SYT14: variants seen among roughly 807,000 people sequenced by gnomAD.
SYT14 encodes synaptotagmin-14.
In SYT14, 32 loss-of-function variants were observed where a neutral mutation model predicts 74.2. The ratio of observed to expected loss-of-function variants is 0.43; its 90% CI spans 0.33 to 0.58. The LOEUF is 0.58. Ranked by LOEUF, SYT14 falls within the 20% of genes least tolerant of loss-of-function variation. SYT14 has a pLI of 0.05. For missense variants in SYT14, 791 were observed against 981.8 expected, an observed-to-expected ratio of 0.81 and a Z score of 2.60; for synonymous variants, 298 against 337.7, an observed-to-expected ratio of 0.88 and a Z score of 1.29.
intron 5 of SYT14, among the ~76,000 whole-genome samples, chr1:210,030,778 G>C (rs930432716): frequency 1.3e-5 from 2 of 152,170 alleles, no homozygotes; most frequent in Non-Finnish European, 2.9e-5. Context: ...TCTGTGTGTG[G>C]CTGTTGCACA....
intron 8 of SYT14, among the ~76,000 whole-genome samples, chr1:210,158,157 G>A (rs1428946801): frequency 6.6e-6 from 1 of 152,198 alleles, no homozygotes; most frequent in Non-Finnish European, 1.5e-5. Flanking sequence ...AATTGAGTGG[G>A]AGAAAAGAAG....
chr1:210,128,658 TTC>T (rs1205999060), intron 7 of SYT14, among the ~76,000 whole-genome samples: 1 of 152,200 alleles, frequency 6.6e-6, no homozygotes, highest in Non-Finnish European at 1.5e-5. Flanking sequence ...CCTACAGAAT[TTC>T]TGAGTAAGCT....
chr1:210,105,453 G>A (rs2102561355), intron 7 of SYT14, among the ~76,000 whole-genome samples: 1 of 152,274 alleles, frequency 6.6e-6, no homozygotes. Context: ...GAGCTTTGAA[G>A]GAAGCCTCTG....
rs72649951 is a variant in SYT14 at position 210,111,911 on chromosome 1, A to G, written c.2034+11450A>G. 0.016 allele frequency among the ~76,000 whole-genome samples: 2,482 copies of G among 151,052 alleles called. 206 individuals are homozygous for G. In the East Asian group the frequency reaches 0.25, roughly 15 times the overall value. ...TTTTTAAGTTGGAGGCTGTGAGGTG[A>G]GGTGTGTTTTTAAAAGACCATTAGT... On this transcript the variant is annotated intron_variant, in intron 7 of 9. Coordinates refer to ENST00000637265, the Ensembl canonical transcript of SYT14.
chr1:210,002,790 C>A (rs939985440), intron 2 of SYT14, among the ~76,000 whole-genome samples: 1 of 151,902 alleles, frequency 6.6e-6, no homozygotes, highest in Admixed American at 6.6e-5. Context: ...ACTGTGCTGT[C>A]TTTAAAAAAA....
At chr1:210,071,102 A>G (rs1476821702) in intron 5 of SYT14, among the ~76,000 whole-genome samples, 4 of 151,654 alleles carry the variant, frequency 2.6e-5, no homozygotes, top group Non-Finnish European at 5.9e-5. Context: ...CTACTTAGAA[A>G]CATTTCATAA....
intron 6 of SYT14, among the ~76,000 whole-genome samples, chr1:210,095,361 C>T (rs1364054544): frequency 6.6e-6 from 1 of 152,156 alleles, no homozygotes; most frequent in Non-Finnish European, 1.5e-5. Context: ...CTGCAGCTTC[C>T]TCCCACCTCA....
chr1:209,944,359 AAG>A (rs1314895610), intron 1 of SYT14, among the ~76,000 whole-genome samples: 1 of 152,206 alleles, frequency 6.6e-6, no homozygotes. Context: ...AGTTGGAAAA[AAG>A]GATTAATTTG....
At chr1:210,016,354 A>G in exon 4 of SYT14, 1 of 1,232,150 alleles carries the variant, frequency 8.1e-7, no homozygotes. Context: ...ATGAAGAAAG[A>G]GTATTTAAAC....
chr1:209,991,445 A>G (rs1399116027), intron 2 of SYT14, among the ~76,000 whole-genome samples: 1 of 152,162 alleles, frequency 6.6e-6, no homozygotes, highest in African/African-American at 2.4e-5. Context: ...AATCCCTCAA[A>G]TAACCCCATT....
Position 210,110,339 on chromosome 1 carries a change from A to G in SYT14, c.2034+9878A>G, listed in dbSNP as rs750841380. ...GGAACAAAGAAGAAATGTTCAAGGA[A>G]TGAAGATGAAATGTCCAGGAGGACA... is the stretch of plus-strand genomic sequence containing the variant. On this transcript the variant is annotated intron_variant, in intron 7 of 9. Coordinates refer to ENST00000637265, the Ensembl canonical transcript of SYT14. Among the ~76,000 whole-genome samples, 83 of 152,346 alleles carry G rather than the reference A, an allele frequency of 5.4e-4. 1 individual carries two copies. Among genetic ancestry groups the G allele is most frequent in the Non-Finnish European group, 1.0e-3 (69 of 68,028 alleles).
chr1:210,040,567 A>G (rs1165320342), intron 5 of SYT14, among the ~76,000 whole-genome samples: 10 of 152,130 alleles, frequency 6.6e-5, no homozygotes, highest in Admixed American at 5.2e-4. Context: ...ATGTTTATAC[A>G]TTGTTCATTT....
rs369779613 is a variant in SYT14, at chr1:210,051,606, G to A, written c.1312+30352G>A. ...TTGAAAAAATAATTATGTGTGTCTT[G>A]TTATTTTCCCTTCACATAGAATACT... On this transcript the variant is annotated intron_variant, in intron 5 of 9. Coordinates refer to ENST00000637265, the Ensembl canonical transcript of SYT14. 4.3e-4 allele frequency among the ~76,000 whole-genome samples: 65 copies of A among 152,094 alleles called. 2 individuals are homozygous for A. In the South Asian group the frequency reaches 0.013, roughly 30 times the overall value.
intron 2 of SYT14, among the ~76,000 whole-genome samples, chr1:209,986,578 A>G (rs2079573728): frequency 6.6e-6 from 1 of 151,464 alleles, no homozygotes; most frequent in South Asian, 2.1e-4. Flanking sequence ...GCGCCATTGC[A>G]CTCCAGCCTG....
chr1:209,993,275 C>T (rs1183600392), intron 2 of SYT14, among the ~76,000 whole-genome samples: 3 of 152,196 alleles, frequency 2.0e-5, no homozygotes, highest in African/African-American at 4.8e-5. Context: ...GCTCGCCTGT[C>T]GACTGCCCCT....
At chr1:210,147,954 G>A (rs2130630) in intron 7 of SYT14, among the ~76,000 whole-genome samples, 91,180 of 151,840 alleles carry the variant, frequency 0.6, 28,565 homozygotes, top group East Asian at 0.85. Context: ...GTTGTGTTCA[G>A]GGAGTAGCAA....
At chr1:210,149,866 A>G (rs572030372) in intron 7 of SYT14, among the ~76,000 whole-genome samples, 1 of 152,310 alleles carries the variant, frequency 6.6e-6, no homozygotes, top group Non-Finnish European at 1.5e-5. Flanking sequence ...CTCCCCAGTA[A>G]TGTGGATAAC....
intron 5 of SYT14, among the ~76,000 whole-genome samples, chr1:210,073,364 C>T (rs1026444619): frequency 9.2e-5 from 14 of 152,056 alleles, no homozygotes; most frequent in African/African-American, 3.1e-4. Flanking sequence ...CATTGTGAAG[C>T]ACTTAACTGC....
chr1:210,065,528 G>A (rs745447259), intron 5 of SYT14, among the ~76,000 whole-genome samples: 1 of 151,280 alleles, frequency 6.6e-6, no homozygotes, highest in Non-Finnish European at 1.5e-5. Flanking sequence ...AAATTACCCA[G>A]TCTCAGGTAT....
Sources: gnomAD v4.1 joint callset for allele counts (sites outside exome capture counted in the v4.1 genomes callset) on GRCh38, gnomAD v4.1.1 for gene constraint, MANE v1.5 for transcripts, NCBI Gene and HGNC (gene_info 2026-07-23, HGNC 2026-07-21) for gene names.